The following NDRG1 variants were observed in gnomAD, a reference collection of about 807,000 sequenced individuals.
NDRG1 encodes the protein protein NDRG1.
In NDRG1, 32 loss-of-function variants were observed where a neutral mutation model predicts 56.9. That is an observed-to-expected ratio of 0.56 (90% CI 0.42 to 0.76). The LOEUF is 0.76. Among genes scored for constraint, NDRG1 ranks in the 30% least tolerant of loss-of-function variants. NDRG1 has a pLI of 0.00. For synonymous variants in NDRG1, 211 were observed against 204.1 expected, an observed-to-expected ratio of 1.03 and a Z score of -0.29; for missense variants, 507 against 545.7, an observed-to-expected ratio of 0.93 and a Z score of 0.71.
chr8:133,289,711 C>T (rs994168404), intron 1 of NDRG1, among the ~76,000 whole-genome samples: 1 of 152,166 alleles, frequency 6.6e-6, no homozygotes, highest in African/African-American at 2.4e-5. Context: ...TGGGCAGAGG[C>T]ATCTTCAGTA....
intron 9 of NDRG1, among the ~76,000 whole-genome samples, chr8:133,252,491 A>G (rs1055697194): frequency 6.6e-6 from 1 of 152,066 alleles, no homozygotes; most frequent in Non-Finnish European, 1.5e-5. Flanking sequence ...GTACTCGCCA[A>G]CTCCAGAGTG....
chr8:133,258,108 C>G (rs1019298191), intron 7 of NDRG1, among the ~76,000 whole-genome samples: 1 of 151,958 alleles, frequency 6.6e-6, no homozygotes, highest in Non-Finnish European at 1.5e-5. Flanking sequence ...GAGTGAGGAG[C>G]GTCCTCACTA....
intron 3 of NDRG1, among the ~76,000 whole-genome samples, chr8:133,267,010 G>T (rs1033252747): frequency 9.2e-5 from 14 of 152,132 alleles, no homozygotes; most frequent in African/African-American, 3.4e-4. Context: ...GCTCCGTACT[G>T]AGTTTCCAAC....
intron 3 of NDRG1, 164 bp from the exon 4 acceptor site, chr8:133,264,816 T>C: frequency 1.5e-6 from 1 of 684,102 alleles, no homozygotes; most frequent in South Asian, 1.6e-5. Flanking sequence ...CAGAAGCCAC[T>C]CCAAGGACCA....
chr8:133,259,345 C>T, intron 5 of NDRG1, 115 bp from the exon 6 acceptor site: 1 of 1,001,224 alleles, frequency 1.0e-6, no homozygotes, highest in Non-Finnish European at 1.6e-6. Context: ...GCACCCAGAC[C>T]CCCCCACCCC....
rs1411334856 is a variant in NDRG1, at chr8:133,238,342, T to C, written c.*536A>G. Reference sequence around the variant, plus strand: ...CAAATGCCTCTAGCCTCGACATGAATCCCACCTTTTCCCCCTTCCTGTTTT... The same window carrying C: ...CAAATGCCTCTAGCCTCGACATGAACCCCACCTTTTCCCCCTTCCTGTTTT... On this transcript the variant is annotated 3_prime_UTR_variant, in exon 16 of 16. Coordinates refer to ENST00000323851, the MANE Select transcript of NDRG1 (RefSeq NM_006096.4). The C allele has an allele frequency of 8.5e-6, 2 of 234,892 alleles. No individual in the cohort carries two copies. Among genetic ancestry groups the C allele is most frequent in the African/African-American group, 4.4e-5 (2 of 45,318 alleles). The allele number at this position is 234,892 out of a possible 1,614,324, so 14.6% of individuals were successfully genotyped here. A position where few individuals can be genotyped will look rare whatever the true frequency, so the allele number is the denominator to read the frequency against.
At chr8:133,254,724 C>T (rs1856276504) in intron 8 of NDRG1, 129 bp from the exon 9 acceptor site, 8 of 899,710 alleles carry the variant, frequency 8.9e-6, no homozygotes, top group Middle Eastern at 4.5e-4. Context: ...GCCTCAAGGA[C>T]ATCCCCCTTG....
At chr8:133,244,324 T>A (rs753911398) in intron 14 of NDRG1, 31 bp downstream of exon 14, 1 of 1,613,888 alleles carries the variant, frequency 6.2e-7, no homozygotes, top group Non-Finnish European at 8.5e-7. Flanking sequence ...AAGCGACAGC[T>A]GTATAATGCA....
intron 5 of NDRG1, among the ~76,000 whole-genome samples, chr8:133,261,673 C>T (rs1856665146): frequency 6.6e-6 from 1 of 152,186 alleles, no homozygotes; most frequent in Non-Finnish European, 1.5e-5. Context: ...AGTCCTCCTC[C>T]ACTGAAGTCC....
At chr8:133,283,056 T>TAG (rs1392373525) in intron 2 of NDRG1, among the ~76,000 whole-genome samples, 1 of 152,238 alleles carries the variant, frequency 6.6e-6, no homozygotes, top group Non-Finnish European at 1.5e-5. Context: ...CAGCCACATG[T>TAG]AGAGTCATAA....
chr8:133,252,492 C>T (rs1856108821), intron 9 of NDRG1, among the ~76,000 whole-genome samples: 1 of 152,340 alleles, frequency 6.6e-6, no homozygotes, highest in Admixed American at 6.5e-5. Context: ...TACTCGCCAA[C>T]TCCAGAGTGG....
At chr8:133,258,770 T>G (rs533319289) in intron 6 of NDRG1, among the ~76,000 whole-genome samples, 9 of 152,310 alleles carry the variant, frequency 5.9e-5, no homozygotes, top group African/African-American at 1.9e-4. Flanking sequence ...GCAAGAACCA[T>G]GAAGTTATCA....
At chr8:133,283,136 T>A (rs1857909566) in intron 2 of NDRG1, among the ~76,000 whole-genome samples, 2 of 152,224 alleles carry the variant, frequency 1.3e-5, no homozygotes, top group African/African-American at 4.8e-5. Flanking sequence ...CCACACTTTG[T>A]AACTATGCAA....
At chr8:133,296,382 C>A (rs1004011407) in intron 1 of NDRG1, 40 of 430,330 alleles carry the variant, frequency 9.3e-5, no homozygotes, top group South Asian at 6.2e-4. Flanking sequence ...CGCCGATGCG[C>A]CAATCCCGGG....
chr8:133,239,286 G>T, intron 15 of NDRG1, 167 bp from the exon 16 acceptor site: 2 of 1,101,152 alleles, frequency 1.8e-6, no homozygotes, highest in Middle Eastern at 2.9e-4. Context: ...TCCACTCGGA[G>T]AGAGAGATGG....
chr8:133,238,938 G>A lies in NDRG1; in HGVS notation c.1125C>T (p.Thr375=), dbSNP rs1433020796. The change falls in exon 16 of 16, where the codon ACC becomes ACT. Residue 375 remains threonine, a synonymous_variant. Transcript: ENST00000323851. ...HTSEGAHLDI[T]PNSGAAGNSA... ...TGTTCCCAGCAGCACCCGAGTTGGG[G>A]GTGATGTCCAGGTGGGCCCCCTCGC... 8 of 1,571,550 alleles carry A rather than the reference G, an allele frequency of 5.1e-6. No individual in the cohort carries two copies. In the East Asian group the frequency reaches 9.3e-5, roughly 18 times the overall value.
In NDRG1 at chr8:133,259,165, T is replaced by C. The variant is rs773667891; in HGVS notation, c.389+3A>G. On this transcript the variant is annotated splice_donor_region_variant and intron_variant, in intron 6 of 15. Transcript: ENST00000323851. Reference sequence around the variant, plus strand: ...AGAGAAGGAGCTGATCCTTCGCTCTTACCCAAACTGTTGAAGGACTCCAGG... The same window carrying C: ...AGAGAAGGAGCTGATCCTTCGCTCTCACCCAAACTGTTGAAGGACTCCAGG... 5 of 1,614,040 alleles carry C rather than the reference T, an allele frequency of 3.1e-6. No homozygotes were observed. The highest frequency in any genetic ancestry group is 4.2e-6 in the Non-Finnish European group (5 of 1,179,864).
At chr8:133,283,046 C>G (rs530456816) in intron 2 of NDRG1, among the ~76,000 whole-genome samples, 6 of 152,362 alleles carry the variant, frequency 3.9e-5, no homozygotes, top group Admixed American at 1.3e-4. Context: ...TAAAACAGAG[C>G]AGCCACATGT....
At chr8:133,251,973 C>T (rs1264825189) in intron 9 of NDRG1, among the ~76,000 whole-genome samples, 2 of 152,174 alleles carry the variant, frequency 1.3e-5, no homozygotes, top group East Asian at 1.9e-4. Context: ...ATGCCGACAG[C>T]GACCTGGAGC....
Sources: gnomAD v4.1 joint callset for allele counts (sites outside exome capture counted in the v4.1 genomes callset) on GRCh38, gnomAD v4.1.1 for gene constraint, MANE v1.5 for transcripts, NCBI Gene and HGNC (gene_info 2026-07-23, HGNC 2026-07-21) for gene names.